Variants in CTNNA2 observed in about 807,000 individuals in gnomAD.
The protein encoded by CTNNA2 is catenin alpha 2.
Under a neutral mutation model 101.0 loss-of-function variants are expected in CTNNA2, and 42 were observed. The observed-to-expected ratio is 0.42, with a 90% confidence interval of 0.32 to 0.54. The LOEUF (loss-of-function observed/expected upper bound fraction) is 0.54. Ranked by LOEUF, CTNNA2 falls within the 20% of genes least tolerant of loss-of-function variation. The pLI is 0.14. For missense variants in CTNNA2, 871 were observed against 1,223.1 expected (o/e 0.71, Z 4.29); for synonymous variants, 450 against 456.4 (o/e 0.99, Z 0.18).
chr2:79,401,176 A>T (rs1306816883), intron 4 of CTNNA2, among the ~76,000 whole-genome samples: 1 of 151,784 alleles, frequency 6.6e-6, no homozygotes, highest in Non-Finnish European at 1.5e-5. Context: ...TAGATATGCC[A>T]TTCCCCATAA....
chr2:79,815,790 G>A (rs1269457569), intron 3 of CTNNA2, among the ~76,000 whole-genome samples: 11 of 151,476 alleles, frequency 7.3e-5, no homozygotes, highest in Admixed American at 6.6e-4. Flanking sequence ...TTCTAATTCT[G>A]GGAAGAATGA....
chr2:79,209,209 A>G (rs1374948545), intron 2 of CTNNA2, among the ~76,000 whole-genome samples: 2 of 152,196 alleles, frequency 1.3e-5, no homozygotes. Flanking sequence ...AAGCATACCA[A>G]TATAGAAAAA....
chr2:79,362,861 A>C (rs536008785), intron 3 of CTNNA2, among the ~76,000 whole-genome samples: 1 of 152,260 alleles, frequency 6.6e-6, no homozygotes, highest in South Asian at 2.1e-4. Context: ...GGAGAAGTAA[A>C]CATTTTTGTT....
intron 1 of CTNNA2, among the ~76,000 whole-genome samples, chr2:79,569,502 G>T (rs2103809462): frequency 6.6e-6 from 1 of 152,242 alleles, no homozygotes; most frequent in South Asian, 2.1e-4. Context: ...AAGGATATAT[G>T]AAGGGATTCA....
At chr2:79,794,992 A>G (rs1175047841) in intron 3 of CTNNA2, among the ~76,000 whole-genome samples, 1 of 152,232 alleles carries the variant, frequency 6.6e-6, no homozygotes, top group South Asian at 2.1e-4. Context: ...TACCTACTAT[A>G]TGTCTAAATA....
At chr2:79,315,566 T>A (rs1453393290) in intron 3 of CTNNA2, among the ~76,000 whole-genome samples, 1 of 152,198 alleles carries the variant, frequency 6.6e-6, no homozygotes, top group Non-Finnish European at 1.5e-5. Context: ...AGTTTTAAGA[T>A]ATATCCATAT....
intron 8 of CTNNA2, among the ~76,000 whole-genome samples, chr2:80,397,377 A>G (rs1275977935): frequency 1.3e-5 from 2 of 152,190 alleles, no homozygotes; most frequent in East Asian, 3.9e-4. Context: ...GAGGATGTGA[A>G]GCCAAGTACC....
intron 2 of CTNNA2, among the ~76,000 whole-genome samples, chr2:79,304,278 G>A (rs1573056431): frequency 6.6e-6 from 1 of 152,172 alleles, no homozygotes; most frequent in South Asian, 2.1e-4. Context: ...GCAACATAAA[G>A]TTATAAGAAT....
chr2:79,815,107 A>G (rs1677382139), intron 3 of CTNNA2, among the ~76,000 whole-genome samples: 1 of 151,906 alleles, frequency 6.6e-6, no homozygotes. Flanking sequence ...TCCTTAGGGC[A>G]CTTTTGATGG....
chr2:79,366,053 G>C (rs1334618587), intron 3 of CTNNA2, among the ~76,000 whole-genome samples: 1 of 152,188 alleles, frequency 6.6e-6, no homozygotes, highest in Admixed American at 6.5e-5. Context: ...CAAAAAATTA[G>C]AGAACATAGT....
At chr2:79,188,596 C>T (rs1042609463) in intron 1 of CTNNA2, among the ~76,000 whole-genome samples, 1 of 152,080 alleles carries the variant, frequency 6.6e-6, no homozygotes, top group Non-Finnish European at 1.5e-5. Context: ...ACAGAGAATA[C>T]CGTATTCTCA....
intron 2 of CTNNA2, among the ~76,000 whole-genome samples, chr2:79,664,705 C>CTTTTTTTTTTTTTTTTTTT (rs67782114): frequency 1.3e-4 from 12 of 94,986 alleles, no homozygotes; most frequent in African/African-American, 5.2e-4. Flanking sequence ...TCACATTCTT[C>CTTTTTTTTTTTTTTTTTTT]TTTTTTTTTT....
At chr2:79,634,084 A>G (rs1679862007) in intron 1 of CTNNA2, among the ~76,000 whole-genome samples, 1 of 152,216 alleles carries the variant, frequency 6.6e-6, no homozygotes, top group South Asian at 2.1e-4. Context: ...GCTGCCCTAC[A>G]ATTTCAGATG....
intron 3 of CTNNA2, among the ~76,000 whole-genome samples, chr2:79,760,552 C>T (rs756556094): frequency 6.6e-6 from 1 of 152,120 alleles, no homozygotes; most frequent in Non-Finnish European, 1.5e-5. Flanking sequence ...ATGAGGCCCA[C>T]TCACATTATC....
Position 79,829,414 on chromosome 2 carries a change from C to CACAG in CTNNA2, c.299-28598_299-28597insCAGA, listed in dbSNP as rs1193420009. Among the ~76,000 whole-genome samples the CACAG allele has an allele frequency of 2.1e-3, 249 of 120,792 alleles. 2 individuals carry two copies. Among genetic ancestry groups the CACAG allele is most frequent in the East Asian group, 0.015 (63 of 4,068 alleles). 79.2% of individuals were successfully genotyped at this position (120,792 alleles called of 152,430 possible). A position where few individuals can be genotyped will look rare whatever the true frequency, so the allele number is the denominator to read the frequency against. On this transcript the variant is annotated intron_variant, in intron 3 of 18. Transcript: ENST00000402739. ...ACACACACACACACACACACACACA[C>CACAG]AGACACAAAGCCGGGCGAGATGGCG...
intron 3 of CTNNA2, among the ~76,000 whole-genome samples, chr2:79,355,660 C>T (rs549065112): frequency 3.0e-4 from 46 of 152,124 alleles, no homozygotes; most frequent in Admixed American, 1.4e-3. Flanking sequence ...ATGGATTTAC[C>T]TATTTTGAAT....
intron 3 of CTNNA2, among the ~76,000 whole-genome samples, chr2:79,345,659 GT>G (rs888093903): frequency 6.6e-6 from 1 of 151,956 alleles, no homozygotes; most frequent in Non-Finnish European, 1.5e-5. Context: ...GTAAAAAATT[GT>G]GGGGTTTTTT....
At chr2:79,354,863 CCT>C (rs1677473631) in intron 3 of CTNNA2, among the ~76,000 whole-genome samples, 1 of 152,114 alleles carries the variant, frequency 6.6e-6, no homozygotes, top group South Asian at 2.1e-4. Context: ...AATGTCAGTG[CCT>C]CTCTCTTGAT....
At chr2:80,119,718 A>G (rs1322258835) in intron 7 of CTNNA2, among the ~76,000 whole-genome samples, 2 of 152,218 alleles carry the variant, frequency 1.3e-5, no homozygotes, top group East Asian at 3.8e-4. Flanking sequence ...AATTTTTAAA[A>G]TAATTGGAGA....
Sources: gnomAD v4.1 joint callset for allele counts (sites outside exome capture counted in the v4.1 genomes callset) on GRCh38, gnomAD v4.1.1 for gene constraint, MANE v1.5 for transcripts, NCBI Gene and HGNC (gene_info 2026-07-23, HGNC 2026-07-21) for gene names.